The following PKIB variants were observed in gnomAD, a reference collection of about 807,000 sequenced individuals.
The protein encoded by PKIB is PKI-beta.
A neutral mutation model predicts 4.5 loss-of-function variants in PKIB; 2 were observed. The observed-to-expected ratio is 0.44, with a 90% CI of 0.18 to 1.39. The LOEUF is 1.39. PKIB is among the 40% of genes most tolerant of loss of function. PKIB has a pLI of 0.27. For missense variants in PKIB, 94 were observed against 92.6 expected, an observed-to-expected ratio of 1.02 and a Z score of -0.06; for synonymous variants, 38 against 36.0, an observed-to-expected ratio of 1.06 and a Z score of -0.20.
chr6:122,567,754 G>C (rs1365644939), intron 2 of PKIB, among the ~76,000 whole-genome samples: 1 of 152,146 alleles, frequency 6.6e-6, no homozygotes, highest in South Asian at 2.1e-4. Flanking sequence ...ATTTTCATAA[G>C]TGTAAAGTGA....
chr6:122,717,017 A>T (rs1779524996), intron 3 of PKIB, among the ~76,000 whole-genome samples: 1 of 152,162 alleles, frequency 6.6e-6, no homozygotes, highest in Non-Finnish European at 1.5e-5. Flanking sequence ...CTCAGGAGAG[A>T]TTCATTCCAA....
intron 1 of PKIB, among the ~76,000 whole-genome samples, chr6:122,627,343 A>G (rs896587771): frequency 6.6e-6 from 1 of 151,858 alleles, no homozygotes. Context: ...TAATTTCTAC[A>G]CTTTTGTTGG....
intron 3 of PKIB, among the ~76,000 whole-genome samples, chr6:122,684,328 G>T (rs1001916368): frequency 6.6e-6 from 1 of 152,060 alleles, no homozygotes; most frequent in African/African-American, 2.4e-5. Context: ...TAAGCACCTA[G>T]ATCTCATGTT....
At chr6:122,533,708 T>G (rs974747369) in intron 2 of PKIB, among the ~76,000 whole-genome samples, 1 of 152,180 alleles carries the variant, frequency 6.6e-6, no homozygotes, top group African/African-American at 2.4e-5. Context: ...ACAAGAACAA[T>G]TTACAACTCT....
At chr6:122,607,245 G>A (rs1416838309), upstream of PKIB, among the ~76,000 whole-genome samples, 3 of 151,772 alleles carry the variant, frequency 2.0e-5, no homozygotes, top group African/African-American at 7.3e-5. Context: ...AGGCCAAGAC[G>A]GGTGGATCGC....
chr6:122,638,216 T>C (rs1242095701), intron 2 of PKIB, among the ~76,000 whole-genome samples: 1 of 152,182 alleles, frequency 6.6e-6, no homozygotes, highest in East Asian at 1.9e-4. Flanking sequence ...GAAAGGAAAA[T>C]GTATTATAAT....
intron 2 of PKIB, chr6:122,482,544 A>ATTTTTTTTTTTTTTTTTTTTTTTTTTTT (rs571676167): frequency 1.9e-5 from 2 of 103,722 alleles, no homozygotes; most frequent in Non-Finnish European, 1.8e-5. Context: ...TTTAGGTTGG[A>ATTTTTTTTTTTTTTTTTTTTTTTTTTTT]TTTTTTTTTT....
intron 1 of PKIB, among the ~76,000 whole-genome samples, chr6:122,622,100 GC>G (rs1366824762): frequency 3.9e-5 from 6 of 152,052 alleles, no homozygotes; most frequent in African/African-American, 1.2e-4. Flanking sequence ...ATAATTGAAG[GC>G]CCTTCCTAGA....
chr6:122,557,537 CAT>C (rs151059543), intron 2 of PKIB, among the ~76,000 whole-genome samples: 2,199 of 152,300 alleles, frequency 0.014, 54 homozygotes, highest in African/African-American at 0.051. Context: ...GGAAGGCACA[CAT>C]GTGAAACAGC....
At chr6:122,534,029 T>G (rs1233941605) in intron 2 of PKIB, among the ~76,000 whole-genome samples, 1 of 151,890 alleles carries the variant, frequency 6.6e-6, no homozygotes, top group Non-Finnish European at 1.5e-5. Flanking sequence ...TGCCAATATA[T>G]ATAAACTTCA....
At chr6:122,564,144 G>A (rs1773112504) in intron 2 of PKIB, among the ~76,000 whole-genome samples, 1 of 152,122 alleles carries the variant, frequency 6.6e-6, no homozygotes, top group Non-Finnish European at 1.5e-5. Context: ...GGAGAGGAAG[G>A]TTTCCCTTTC....
chr6:122,587,771 T>C (rs1343032154), intron 3 of PKIB, among the ~76,000 whole-genome samples: 3 of 152,238 alleles, frequency 2.0e-5, no homozygotes, highest in Non-Finnish European at 4.4e-5. Context: ...ATTTCTCTGA[T>C]GGCCAGTGAT....
Position 122,492,693 on chromosome 6 carries a change from TGTAAA to T in PKIB, c.-248+14759_-248+14763del, listed in dbSNP as rs1292041442. Among the ~76,000 whole-genome samples, 6 of 152,076 alleles carry T rather than the reference TGTAAA, an allele frequency of 3.9e-5. 1 individual carries two copies. Among genetic ancestry groups the T allele is most frequent in the African/African-American group, 1.2e-4 (5 of 41,448 alleles). On this transcript the variant is annotated intron_variant, in intron 2 of 6. Coordinates refer to the PKIB transcript ENST00000392491. Reference sequence around the variant, plus strand: ...AGCATTTGTTCTTTTTATATTTTTCTGTAAAGTAATTTAAGCATAAGAGGTTATGA... The same window carrying T: ...AGCATTTGTTCTTTTTATATTTTTCTGTAATTTAAGCATAAGAGGTTATGA...
At chr6:122,502,634 A>G (rs1188618131) in intron 2 of PKIB, among the ~76,000 whole-genome samples, 2 of 152,130 alleles carry the variant, frequency 1.3e-5, no homozygotes, top group Admixed American at 1.3e-4. Flanking sequence ...ATCACCTCCC[A>G]CTAGGCCCTT....
upstream of PKIB, among the ~76,000 whole-genome samples, chr6:122,607,291 T>C (rs1043578616): frequency 6.6e-6 from 1 of 151,342 alleles, no homozygotes; most frequent in African/African-American, 2.4e-5. Flanking sequence ...CTGGCCAACA[T>C]AGCAAAACCC....
intron 2 of PKIB, among the ~76,000 whole-genome samples, chr6:122,566,313 C>G (rs1387877446): frequency 1.3e-5 from 2 of 152,134 alleles, no homozygotes; most frequent in African/African-American, 4.8e-5. Flanking sequence ...GACCACAGTT[C>G]CATTACTTTC....
intron 2 of PKIB, chr6:122,480,764 T>C (rs958844618): frequency 6.6e-6 from 1 of 152,220 alleles, no homozygotes; most frequent in Admixed American, 6.5e-5. Flanking sequence ...CAAATACTTT[T>C]CTGTTAAATT....
At chr6:122,595,635 T>G (rs1774155985) in intron 3 of PKIB, among the ~76,000 whole-genome samples, 1 of 152,200 alleles carries the variant, frequency 6.6e-6, no homozygotes, top group Admixed American at 6.5e-5. Flanking sequence ...GGTTGCTGGC[T>G]GATCACCCTG....
At chr6:122,547,067 G>C (rs1360318498) in intron 2 of PKIB, among the ~76,000 whole-genome samples, 2 of 152,094 alleles carry the variant, frequency 1.3e-5, no homozygotes, top group African/African-American at 4.8e-5. Context: ...TAATGGATCT[G>C]TGTGTACCTG....
Sources: allele counts gnomAD v4.1 joint callset (sites outside exome capture counted in the v4.1 genomes callset), GRCh38; gene constraint gnomAD v4.1.1; transcripts MANE v1.5; gene names NCBI Gene and HGNC (gene_info 2026-07-23, HGNC 2026-07-21).